Variants in CDH23 observed in about 807,000 individuals in gnomAD.
CDH23 encodes cadherin-23.
CDH23 carries 189 observed loss-of-function variants against 317.1 expected under a neutral mutation model. The ratio of observed to expected loss-of-function variants is 0.60; its 90% CI spans 0.53 to 0.67. The LOEUF (loss-of-function observed/expected upper bound fraction) is 0.67. Ranked by LOEUF, CDH23 falls within the 30% of genes least tolerant of loss-of-function variation. CDH23 has a pLI of 0.00. For missense variants in CDH23, 4,401 were observed against 4,592.4 expected, an observed-to-expected ratio of 0.96 and a Z score of 1.20; for synonymous variants, 1,839 against 1,876.8, an observed-to-expected ratio of 0.98 and a Z score of 0.52.
intron 3 of CDH23, among the ~76,000 whole-genome samples, chr10:71,483,322 T>G (rs958496454): frequency 6.6e-6 from 1 of 152,202 alleles, no homozygotes; most frequent in Non-Finnish European, 1.5e-5. Context: ...AGGGTTGAAC[T>G]TTTTGGGGAG....
At chr10:71,477,429 A>T (rs779854844) in intron 3 of CDH23, among the ~76,000 whole-genome samples, 12 of 152,160 alleles carry the variant, frequency 7.9e-5, no homozygotes, top group Admixed American at 3.3e-4. Context: ...TCGGCCTCCC[A>T]AAGTGTTAGG....
At chr10:71,626,594 C>A (rs1191838942) in intron 11 of CDH23, among the ~76,000 whole-genome samples, 1 of 152,176 alleles carries the variant, frequency 6.6e-6, no homozygotes, top group Non-Finnish European at 1.5e-5. Flanking sequence ...ACTCTCCCCA[C>A]CTGCTGGTGT....
At position 71,815,018 on chromosome 10, in the gene CDH23, C is replaced by G. The variant is rs532369554; in HGVS notation, c.9805C>G (p.Arg3269Gly). ...CCCAGGGCAGGGTAGCCTGCGCTTCCGCCACAAGCCACCAGTGGAGCTCAA... is the reference window on the plus strand; with the variant it reads ...CCCAGGGCAGGGTAGCCTGCGCTTCGGCCACAAGCCACCAGTGGAGCTCAA... ...HSPGQGSLRF[R>G]HKPPVELKGP... Residue 3269 changes from arginine (R) to glycine (G), a missense_variant, in exon 70 of 70, where the codon CGC becomes GGC. Transcript: ENST00000224721. 5 of 1,612,328 alleles carry G rather than the reference C, an allele frequency of 3.1e-6. No individual in the cohort carries two copies. The highest frequency in any genetic ancestry group is 3.4e-6 in the Non-Finnish European group (4 of 1,179,724).
At chr10:71,417,481 G>A (rs551759054) in intron 1 of CDH23, among the ~76,000 whole-genome samples, 7 of 152,090 alleles carry the variant, frequency 4.6e-5, no homozygotes, top group East Asian at 3.9e-4. Flanking sequence ...AAAGATTTTC[G>A]GTCATTTTAT....
chr10:71,711,155 G>A (rs1328066797), intron 27 of CDH23, among the ~76,000 whole-genome samples: 2 of 152,114 alleles, frequency 1.3e-5, no homozygotes, highest in Non-Finnish European at 2.9e-5. Flanking sequence ...ACCCTCTGGA[G>A]ACTTGTTATC....
chr10:71,751,884 G>C lies in CDH23; in HGVS notation c.4845+9963G>C, dbSNP rs775856574. Reference sequence around the variant, plus strand: ...TTGCTGCCACAGAACCAGAATGGAAGGTCATCTGTGCTGTCCGGAGCGTGA... The same window carrying C: ...TTGCTGCCACAGAACCAGAATGGAACGTCATCTGTGCTGTCCGGAGCGTGA... On this transcript the variant is annotated intron_variant, in intron 38 of 69. Coordinates refer to ENST00000224721, the MANE Select transcript of CDH23 (RefSeq NM_022124.6). This position sits in a 1 kb window ranked among gnomAD's most constrained non-coding sequence, Gnocchi z 4.9. The C allele has an allele frequency of 2.0e-6, 3 of 1,536,866 alleles. No homozygotes were observed. Among genetic ancestry groups the C allele is most frequent in the East Asian group, 4.6e-5 (2 of 43,480 alleles).
intron 22 of CDH23, among the ~76,000 whole-genome samples, chr10:71,700,483 G>A (rs917652718): frequency 3.9e-5 from 6 of 152,350 alleles, no homozygotes; most frequent in Admixed American, 3.9e-4. Flanking sequence ...AAACGACTTG[G>A]CCTGTTTTAA....
At chr10:71,765,197 C>G (rs1201941678) in intron 38 of CDH23, among the ~76,000 whole-genome samples, 1 of 152,246 alleles carries the variant, frequency 6.6e-6, no homozygotes, top group Non-Finnish European at 1.5e-5. Context: ...CCAGCTTCTG[C>G]CCCTTTCTCC....
At chr10:71,715,342 C>A (rs1305365265) in intron 28 of CDH23, 2 of 152,268 alleles carry the variant, frequency 1.3e-5, no homozygotes, top group East Asian at 3.9e-4. Context: ...CTCCTCCTCC[C>A]AGCTGGCACC....
chr10:71,716,137 G>T, intron 28 of CDH23: 4 of 1,550,030 alleles, frequency 2.6e-6, no homozygotes, highest in Non-Finnish European at 3.5e-6. Context: ...CCCTGCGGCG[G>T]CTCGGGTCCA....
At chr10:71,709,245 A>G in intron 27 of CDH23, 34 bp downstream of exon 27, 1 of 1,581,938 alleles carries the variant, frequency 6.3e-7, no homozygotes, top group Non-Finnish European at 8.7e-7. Flanking sequence ...CAACACAGTG[A>G]TCTGGGCAGA....
intron 11 of CDH23, among the ~76,000 whole-genome samples, chr10:71,632,533 T>A (rs1171795393): frequency 6.6e-6 from 1 of 152,002 alleles, no homozygotes; most frequent in Non-Finnish European, 1.5e-5. Context: ...TGCTTAGATG[T>A]GGGGTCTATA....
chr10:71,689,777 G>A (rs762686301), intron 19 of CDH23, among the ~76,000 whole-genome samples: 32 of 152,210 alleles, frequency 2.1e-4, no homozygotes, highest in Middle Eastern at 3.2e-3. Flanking sequence ...GGCGCCTGCC[G>A]AGGCCCTGAG....
At chr10:71,472,941 C>G (rs1485619708) in intron 3 of CDH23, among the ~76,000 whole-genome samples, 2 of 152,214 alleles carry the variant, frequency 1.3e-5, no homozygotes, top group Non-Finnish European at 2.9e-5. Context: ...TTATAAACTC[C>G]ATGGTGGCAA....
At chr10:71,773,488 G>C (rs767614579) in intron 38 of CDH23, 13 of 1,535,394 alleles carry the variant, frequency 8.5e-6, no homozygotes, top group Non-Finnish European at 8.8e-6. Flanking sequence ...GAGCGGGCGG[G>C]ACGCGGCCGG....
chr10:71,609,763 G>C (rs1031431564), intron 9 of CDH23, among the ~76,000 whole-genome samples: 3 of 152,148 alleles, frequency 2.0e-5, no homozygotes, highest in African/African-American at 7.2e-5. Flanking sequence ...CCCAGTGTCT[G>C]ACGAACGTCA....
chr10:71,643,750 A>G, intron 11 of CDH23, 111 bp from the exon 12 acceptor site: 4 of 716,330 alleles, frequency 5.6e-6, no homozygotes, highest in South Asian at 1.5e-5. Flanking sequence ...GGTCCCTCCC[A>G]TGACCCAGGG....
chr10:71,596,307 T>C (rs10823796), intron 9 of CDH23, among the ~76,000 whole-genome samples: 41,960 of 152,066 alleles, frequency 0.28, 7,033 homozygotes, highest in Non-Finnish European at 0.39. Context: ...GATAAGGAAA[T>C]TGAGGCTCAG....
At chr10:71,444,133 A>C (rs983699600) in intron 2 of CDH23, among the ~76,000 whole-genome samples, 15 of 152,384 alleles carry the variant, frequency 9.8e-5, no homozygotes, top group South Asian at 2.1e-4. Flanking sequence ...GGCCCCCAGC[A>C]GGGATCAAAA....
Sources: gnomAD v4.1 joint callset for allele counts (sites outside exome capture counted in the v4.1 genomes callset) on GRCh38, gnomAD v4.1.1 for gene constraint, Gnocchi (gnomAD v3.1) non-coding constraint, MANE v1.5 for transcripts, NCBI Gene and HGNC (gene_info 2026-07-23, HGNC 2026-07-21) for gene names.